GABRG3: variants seen among roughly 807,000 people sequenced by gnomAD.
The protein encoded by GABRG3 is gamma-aminobutyric acid receptor subunit gamma-3.
In GABRG3, 25 loss-of-function variants were observed where a neutral mutation model predicts 48.8. The ratio of observed to expected loss-of-function variants is 0.51; its 90% CI spans 0.37 to 0.72. GABRG3 has a LOEUF of 0.72. Among genes scored for constraint, GABRG3 ranks in the 30% least tolerant of loss-of-function variants. The pLI, the probability that GABRG3 is intolerant of heterozygous loss-of-function variation, is 0.00. For missense variants in GABRG3, 394 were observed against 577.9 expected, an observed-to-expected ratio of 0.68 and a Z score of 3.26; for synonymous variants, 227 against 217.6, an observed-to-expected ratio of 1.04 and a Z score of -0.38.
At chr15:27,530,633 C>G (rs1053722172) in intron 9 of GABRG3, 2 of 470,964 alleles carry the variant, frequency 4.2e-6, no homozygotes, top group African/African-American at 4.0e-5. Context: ...TGCTGCCCTG[C>G]CTGTGGCCTC....
At chr15:27,222,313 G>A (rs188438343) in intron 3 of GABRG3, among the ~76,000 whole-genome samples, 51 of 152,288 alleles carry the variant, frequency 3.3e-4, no homozygotes, top group African/African-American at 1.2e-3. Flanking sequence ...TGCAAAATGG[G>A]GGAACAGAAG....
At chr15:27,156,014 T>C (rs1389023510) in intron 3 of GABRG3, among the ~76,000 whole-genome samples, 1 of 152,004 alleles carries the variant, frequency 6.6e-6, no homozygotes, top group Non-Finnish European at 1.5e-5. Context: ...AAGTATTCTG[T>C]CGTGGCCAGG....
intron 6 of GABRG3, among the ~76,000 whole-genome samples, chr15:27,491,076 C>T (rs1465426441): frequency 2.0e-5 from 3 of 152,238 alleles, no homozygotes; most frequent in East Asian, 1.9e-4. Context: ...GGAATGCAGT[C>T]GTTTTGCAAG....
chr15:27,506,028 T>C (rs539187402), intron 6 of GABRG3, among the ~76,000 whole-genome samples: 16 of 152,360 alleles, frequency 1.1e-4, no homozygotes, highest in Admixed American at 2.0e-4. Context: ...TGTAGAATTA[T>C]TGGCATAGTG....
chr15:27,088,637 G>A (rs1435003183), intron 3 of GABRG3, among the ~76,000 whole-genome samples: 1 of 152,118 alleles, frequency 6.6e-6, no homozygotes. Flanking sequence ...GAAGGCGAGG[G>A]GGAAGCGGGC....
intron 2 of GABRG3, among the ~76,000 whole-genome samples, chr15:26,981,190 C>T (rs1013416122): frequency 6.6e-6 from 1 of 152,130 alleles, no homozygotes; most frequent in African/African-American, 2.4e-5. Context: ...GGAGATTAAC[C>T]ATTGTGTTTT....
chr15:27,195,065 GTT>G (rs1301745503), intron 3 of GABRG3, among the ~76,000 whole-genome samples: 3 of 152,276 alleles, frequency 2.0e-5, no homozygotes, highest in African/African-American at 7.2e-5. Flanking sequence ...CATCCAGTGA[GTT>G]TTTAAAAATT....
chr15:27,339,661 ACT>A (rs1343778072), intron 5 of GABRG3, among the ~76,000 whole-genome samples: 2 of 152,238 alleles, frequency 1.3e-5, no homozygotes, highest in South Asian at 4.2e-4. Context: ...TTTGGTGGAA[ACT>A]CACTACAGAG....
intron 3 of GABRG3, among the ~76,000 whole-genome samples, chr15:27,139,440 A>G (rs1002099809): frequency 3.3e-5 from 5 of 152,162 alleles, no homozygotes; most frequent in African/African-American, 1.2e-4. Context: ...GCCTGCCCAC[A>G]TCAGGTGATG....
intron 5 of GABRG3, among the ~76,000 whole-genome samples, chr15:27,480,165 G>C (rs972519875): frequency 2.0e-5 from 3 of 152,248 alleles, no homozygotes; most frequent in Non-Finnish European, 4.4e-5. Context: ...GCTGAAGACT[G>C]ATAGGAGAAA....
chr15:27,040,946 G>A (rs1238253424), intron 3 of GABRG3, among the ~76,000 whole-genome samples: 1 of 152,206 alleles, frequency 6.6e-6, no homozygotes, highest in Non-Finnish European at 1.5e-5. Flanking sequence ...TTTCTGTGAA[G>A]AGTAGGCTCT....
chr15:27,385,209 G>A (rs982601598), intron 5 of GABRG3, among the ~76,000 whole-genome samples: 2 of 53,712 alleles, frequency 3.7e-5, no homozygotes, highest in Admixed American at 1.8e-4. Context: ...CAACTTATCA[G>A]AAGCCCACAC....
chr15:27,118,134 T>G (rs552700323), intron 3 of GABRG3, among the ~76,000 whole-genome samples: 1 of 152,184 alleles, frequency 6.6e-6, no homozygotes, highest in Non-Finnish European at 1.5e-5. Context: ...CAGTCCATAA[T>G]GTAATTCTTT....
intron 3 of GABRG3, among the ~76,000 whole-genome samples, chr15:27,058,770 G>A (rs942817582): frequency 6.6e-5 from 10 of 152,008 alleles, no homozygotes; most frequent in African/African-American, 1.9e-4. Context: ...TAAGTTCGCG[G>A]GCCTCATCAA....
intron 3 of GABRG3, among the ~76,000 whole-genome samples, chr15:27,279,656 A>T (rs1441936808): frequency 6.6e-6 from 1 of 152,148 alleles, no homozygotes; most frequent in African/African-American, 2.4e-5. Flanking sequence ...CACGGTCTTG[A>T]TTACTGTAGT....
intron 5 of GABRG3, among the ~76,000 whole-genome samples, chr15:27,332,617 T>G (rs1056085676): frequency 2.0e-5 from 3 of 152,210 alleles, no homozygotes; most frequent in African/African-American, 7.2e-5. Flanking sequence ...CCTGGTATTT[T>G]TCAATTAAAT....
At chr15:27,146,272 T>C (rs1381709039) in intron 3 of GABRG3, among the ~76,000 whole-genome samples, 1 of 152,048 alleles carries the variant, frequency 6.6e-6, no homozygotes, top group Non-Finnish European at 1.5e-5. Flanking sequence ...GGCTAACACG[T>C]TGAAACCCTG....
At chr15:27,490,508 GC>G (rs1890323476) in intron 6 of GABRG3, among the ~76,000 whole-genome samples, 1 of 152,090 alleles carries the variant, frequency 6.6e-6, no homozygotes, top group Non-Finnish European at 1.5e-5. Flanking sequence ...AGAAATGCAG[GC>G]CTGTTTCCTG....
At chr15:27,182,241 G>A (rs1887953517) in intron 3 of GABRG3, among the ~76,000 whole-genome samples, 1 of 152,138 alleles carries the variant, frequency 6.6e-6, no homozygotes, top group African/African-American at 2.4e-5. Context: ...CTGAAATGCA[G>A]GCAGGTGCCT....
Sources: allele counts gnomAD v4.1 joint callset (sites outside exome capture counted in the v4.1 genomes callset), GRCh38; gene constraint gnomAD v4.1.1; transcripts MANE v1.5; gene names NCBI Gene and HGNC (gene_info 2026-07-23, HGNC 2026-07-21).